The following PDE11A variants were observed in gnomAD, a reference collection of about 807,000 sequenced individuals.
PDE11A encodes dual 3',5'-cyclic-AMP and -GMP phosphodiesterase 11A.
A neutral mutation model predicts 100.5 loss-of-function variants in PDE11A; 100 were observed. The observed-to-expected ratio is 1.00, with a 90% CI of 0.85 to 1.18. The LOEUF (loss-of-function observed/expected upper bound fraction) is 1.18. Ranked by LOEUF, PDE11A falls within the 50% of genes most tolerant of loss-of-function variation. The pLI is 0.00. For synonymous variants in PDE11A, 381 were observed against 420.8 expected, an observed-to-expected ratio of 0.91 and a Z score of 1.16; for missense variants, 1,141 against 1,152.6, an observed-to-expected ratio of 0.99 and a Z score of 0.15.
chr2:177,680,197 A>AGG (rs1186030670), intron 16 of PDE11A, among the ~76,000 whole-genome samples: 1 of 152,058 alleles, frequency 6.6e-6, no homozygotes, highest in Non-Finnish European at 1.5e-5. Flanking sequence ...ATGTTAGAAC[A>AGG]GGGATAAGAC....
chr2:177,805,087 A>AT lies in PDE11A; in HGVS notation c.1737+11741_1737+11742insA, dbSNP rs760188058. Reference sequence around the variant, plus strand: ...ACTCCCTAAATATATTTTTTAATTAAAAAATATATATATATTTAGATGTAT... The same window carrying AT: ...ACTCCCTAAATATATTTTTTAATTAATAAAATATATATATATTTAGATGTAT... On this transcript the variant is annotated intron_variant, in intron 9 of 19. Transcript: ENST00000286063. Among the ~76,000 whole-genome samples the AT allele has an allele frequency of 4.0e-5, 3 of 75,190 alleles. No homozygotes were observed. In the South Asian group the frequency reaches 1.1e-3, roughly 28 times the overall value. 49.3% of individuals were successfully genotyped at this position (75,190 alleles called of 152,430 possible). A position where few individuals can be genotyped will look rare whatever the true frequency, so the allele number is the denominator to read the frequency against.
intron 15 of PDE11A, among the ~76,000 whole-genome samples, chr2:177,692,959 G>A (rs768299696): frequency 6.6e-6 from 1 of 152,096 alleles, no homozygotes; most frequent in Non-Finnish European, 1.5e-5. Flanking sequence ...AAAAGGCAGG[G>A]CTCTACCCTG....
chr2:178,026,473 C>T (rs1479623286), intron 1 of PDE11A, among the ~76,000 whole-genome samples: 2 of 151,860 alleles, frequency 1.3e-5, no homozygotes, highest in African/African-American at 2.4e-5. Context: ...CCAGCCTGGC[C>T]AACATGGTGA....
chr2:178,076,053 T>C (rs1007641418), upstream of PDE11A, among the ~76,000 whole-genome samples: 3 of 152,064 alleles, frequency 2.0e-5, no homozygotes, highest in Admixed American at 6.5e-5. Context: ...CAAACTATCA[T>C]ACCAGAAAAG....
At chr2:178,077,447 T>G (rs1416703840), upstream of PDE11A, among the ~76,000 whole-genome samples, 1 of 152,018 alleles carries the variant, frequency 6.6e-6, no homozygotes, top group Non-Finnish European at 1.5e-5. Context: ...AATCACTCAA[T>G]CCAGTATATT....
intron 1 of PDE11A, among the ~76,000 whole-genome samples, chr2:178,044,605 A>C (rs2086726859): frequency 6.6e-6 from 1 of 151,964 alleles, no homozygotes; most frequent in Admixed American, 6.6e-5. Flanking sequence ...ATGATGCCAC[A>C]AGTCCTGAAT....
intron 2 of PDE11A, among the ~76,000 whole-genome samples, chr2:178,103,559 A>G (rs1055838642): frequency 2.0e-5 from 3 of 152,084 alleles, no homozygotes; most frequent in African/African-American, 7.2e-5. Context: ...AAAAAATAAA[A>G]TAAAATCCTT....
chr2:177,934,875 A>G (rs187570830), intron 2 of PDE11A, among the ~76,000 whole-genome samples: 2 of 152,320 alleles, frequency 1.3e-5, no homozygotes, highest in Non-Finnish European at 2.9e-5. Flanking sequence ...TAAGCAAATT[A>G]ATGCATGTTC....
rs1011363071 is a variant in PDE11A, at chr2:177,991,515, A to G, written c.1071+22787T>C. Among the ~76,000 whole-genome samples the G allele has an allele frequency of 3.4e-5, 5 of 148,004 alleles. No individual in the cohort carries two copies. The Admixed American group carries it at 3.4e-4, about 10-fold the overall frequency. On this transcript the variant is annotated intron_variant, in intron 2 of 19. Coordinates refer to ENST00000286063, the MANE Select transcript of PDE11A (RefSeq NM_016953.4). Reference sequence around the variant, plus strand: ...CCAGGCGTGGTGGCAGGCACTTGTAATCCCACCTACTCGGGAGGCTGAGGT... The same window carrying G: ...CCAGGCGTGGTGGCAGGCACTTGTAGTCCCACCTACTCGGGAGGCTGAGGT...
At position 178,014,387 on chromosome 2, in the gene PDE11A, C is replaced by T. The variant is rs543188674; in HGVS notation, c.986G>A (p.Arg329Gln). 15 of 1,611,594 alleles carry T rather than the reference C, an allele frequency of 9.3e-6. No homozygotes were observed. Among genetic ancestry groups the T allele is most frequent in the Middle Eastern group, 1.6e-4 (1 of 6,066 alleles). The stretch of plus-strand genomic sequence containing the variant: ...ACCAATAATCTCACCATCACTGCTT[C>T]GGATAGGCATGCACAATAATGATTT... ...KTKSLLCMPI[R>Q]SSDGEIIGVA... The change falls in exon 2 of 20, where the codon CGA becomes CAA. Residue 329 changes from arginine (R) to glutamine (Q), a missense_variant. By Grantham distance (43) the Arg-to-Gln change is conservative (BLOSUM62 1). Transcript: ENST00000286063.
chr2:177,677,378 T>C (rs756697736), intron 16 of PDE11A, among the ~76,000 whole-genome samples: 1 of 152,168 alleles, frequency 6.6e-6, no homozygotes, highest in Non-Finnish European at 1.5e-5. Context: ...AAAGCTGGGA[T>C]TGGAATCCTT....
At chr2:178,105,119 G>A (rs1230399910) in intron 1 of PDE11A, among the ~76,000 whole-genome samples, 1 of 152,206 alleles carries the variant, frequency 6.6e-6, no homozygotes, top group African/African-American at 2.4e-5. Context: ...GTCAGCAATA[G>A]TATGCATTTA....
chr2:177,652,968 G>A (rs2080331864), intron 19 of PDE11A, among the ~76,000 whole-genome samples: 1 of 152,128 alleles, frequency 6.6e-6, no homozygotes, highest in Non-Finnish European at 1.5e-5. Flanking sequence ...TAAATGCAAG[G>A]CACTGAAAGA....
intron 4 of PDE11A, among the ~76,000 whole-genome samples, chr2:177,882,393 C>A (rs926381867): frequency 1.3e-5 from 2 of 152,058 alleles, no homozygotes; most frequent in African/African-American, 2.4e-5. Context: ...ATGACCAATA[C>A]CAAATAGGTG....
intron 10 of PDE11A, among the ~76,000 whole-genome samples, chr2:177,731,783 T>A (rs923652498): frequency 6.6e-6 from 1 of 152,222 alleles, no homozygotes; most frequent in African/African-American, 2.4e-5. Flanking sequence ...GGTATAAATC[T>A]GCTTGCCTCT....
intron 3 of PDE11A, among the ~76,000 whole-genome samples, chr2:177,901,920 C>A (rs1477807208): frequency 6.6e-6 from 1 of 152,206 alleles, no homozygotes; most frequent in African/African-American, 2.4e-5. Flanking sequence ...TGCCTTGAGT[C>A]TTGCACTGAC....
At chr2:178,103,894 C>T (rs975174149) in intron 2 of PDE11A, among the ~76,000 whole-genome samples, 30 of 152,176 alleles carry the variant, frequency 2.0e-4, no homozygotes, top group South Asian at 4.1e-4. Context: ...TCACTTTACC[C>T]TCTTCCCACA....
chr2:177,867,812 C>T (rs1178450558), intron 5 of PDE11A, among the ~76,000 whole-genome samples: 1 of 152,212 alleles, frequency 6.6e-6, no homozygotes, highest in Non-Finnish European at 1.5e-5. Flanking sequence ...CATCATACTT[C>T]GTCTCTCCAG....
At chr2:177,931,927 A>AAG (rs2085212424) in intron 2 of PDE11A, among the ~76,000 whole-genome samples, 3 of 151,494 alleles carry the variant, frequency 2.0e-5, no homozygotes, top group South Asian at 4.1e-4. Flanking sequence ...AAAAAAAAAA[A>AAG]AAAGAAAGAC....
Sources: allele counts gnomAD v4.1 joint callset (sites outside exome capture counted in the v4.1 genomes callset), GRCh38; gene constraint gnomAD v4.1.1; transcripts MANE v1.5; gene names NCBI Gene and HGNC (gene_info 2026-07-23, HGNC 2026-07-21).